Variants in PRDM12 observed in about 807,000 individuals in gnomAD.
PRDM12 encodes the protein PR/SET domain 12, also known as PR domain zinc finger protein 12.
PRDM12 carries 17 observed loss-of-function variants against 29.6 expected under a neutral mutation model. That is an observed-to-expected ratio of 0.57 (90% CI 0.39 to 0.86). The LOEUF is 0.86. Ranked by LOEUF, PRDM12 falls within the 40% of genes least tolerant of loss-of-function variation. The pLI is 0.00. For missense variants in PRDM12, 422 were observed against 510.8 expected, an observed-to-expected ratio of 0.83 and a Z score of 1.68; for synonymous variants, 231 against 225.8, an observed-to-expected ratio of 1.02 and a Z score of -0.21.
chr9:130,666,712 G>A lies in PRDM12; in HGVS notation c.328G>A (p.Ala110Thr). 1 of 1,613,504 alleles carries A rather than the reference G, an allele frequency of 6.2e-7. No homozygotes were observed. Among genetic ancestry groups the A allele is most frequent in the Non-Finnish European group, 8.5e-7 (1 of 1,179,870 alleles). Residue 110 changes from alanine to threonine, a missense_variant, in exon 2 of 5, where the codon GCG becomes ACG. By Grantham distance (58) the Ala-to-Thr change is moderately conservative. Around this residue, in one of 5 missense-constraint regions of PRDM12, gnomAD observed 300 missense variants for 350.0 expected, o/e 0.86. Coordinates refer to ENST00000253008, the MANE Select transcript of PRDM12 (RefSeq NM_021619.3). ...CATCTTCTCCAAGACGTGGATCAAG[G>A]CGGGAACCGAGATGGGCCCCTTCAC... is the stretch of plus-strand genomic sequence containing the variant. ...LGIFSKTWIK[A>T]GTEMGPFTGR...
chr9:130,664,832 A>T lies in PRDM12; in HGVS notation c.179A>T (p.Lys60Met), dbSNP rs201396484. The part of the protein sequence containing the change: ...FEDKSHHASP[K>M]TAFTAEVLAQ... ...GACAAGAGCCACCACGCCAGCCCCA[A>T]GACAGCCTTCACCGCCGAGGTGCTG... Residue 60 changes from lysine (K) to methionine (M), a missense_variant, in exon 1 of 5, where the codon AAG (lysine) becomes ATG (methionine). Around this residue, in one of 5 missense-constraint regions of PRDM12, gnomAD observed 300 missense variants for 350.0 expected, o/e 0.86. Coordinates refer to ENST00000253008, the MANE Select transcript of PRDM12 (RefSeq NM_021619.3). This position sits in a 1 kb window ranked among gnomAD's most constrained non-coding sequence, Gnocchi z 6.4. 4 of 1,555,302 alleles carry T rather than the reference A, an allele frequency of 2.6e-6. No individual in the cohort carries two copies. The East Asian group carries it at 9.6e-5, about 37-fold the overall frequency.
In PRDM12 at chr9:130,664,674, G is replaced by T. The variant is rs1055354189; in HGVS notation, c.21G>T (p.Pro7=). The T allele has an allele frequency of 5.5e-6, 8 of 1,467,804 alleles. No homozygotes were observed. The highest frequency in any genetic ancestry group is 7.3e-6 in the Non-Finnish European group (8 of 1,093,922). The allele number at this position is 1,467,804 out of a possible 1,614,324, so 90.9% of individuals were successfully genotyped here. The change falls in exon 1 of 5, where the codon CCG becomes CCT. Residue 7 remains proline (P), a synonymous_variant. Coordinates refer to ENST00000253008, the MANE Select transcript of PRDM12 (RefSeq NM_021619.3). This position sits in a 1 kb window ranked among gnomAD's most constrained non-coding sequence, Gnocchi z 6.4. MMGSVL[P]AEALVLKTGL... ...CGCCCATGATGGGCTCCGTGCTCCCGGCTGAGGCCCTGGTGCTCAAGACCG... is the reference window on the plus strand; with the variant it reads ...CGCCCATGATGGGCTCCGTGCTCCCTGCTGAGGCCCTGGTGCTCAAGACCG...
In PRDM12 at chr9:130,681,810, G is replaced by C; in HGVS notation, c.*141G>C. On this transcript the variant is annotated 3_prime_UTR_variant, in exon 5 of 5. Coordinates refer to ENST00000253008, the MANE Select transcript of PRDM12 (RefSeq NM_021619.3). The surrounding 1 kb of genome is among the most constrained non-coding windows in gnomAD (Gnocchi z 8.1). ...CGCGCTGGGGTTGCGCCCCGGAGGCGGATCTCAGGCACCCCCGCCTTGGCC... is the reference window on the plus strand; with the variant it reads ...CGCGCTGGGGTTGCGCCCCGGAGGCCGATCTCAGGCACCCCCGCCTTGGCC... The C allele has an allele frequency of 1.3e-6, 1 of 771,490 alleles. No individual in the cohort carries two copies. Among genetic ancestry groups the C allele is most frequent in the Non-Finnish European group, 1.6e-6 (1 of 634,780 alleles). The allele number at this position is 771,490 out of a possible 1,614,324, so 47.8% of individuals were successfully genotyped here. A position where few individuals can be genotyped will look rare whatever the true frequency, so the allele number is the denominator to read the frequency against.
At position 130,664,698 on chromosome 9, in the gene PRDM12, C is replaced by T. The variant is rs370980099; in HGVS notation, c.45C>T (p.Thr15=). Residue 15 remains threonine, a synonymous_variant, in exon 1 of 5, where the codon ACC becomes ACT. Transcript: ENST00000253008. The surrounding 1 kb of genome is among the most constrained non-coding windows in gnomAD (Gnocchi z 6.4). The part of the protein sequence containing the change: ...VLPAEALVLK[T]GLKAPGLALA... ...CGGCTGAGGCCCTGGTGCTCAAGAC[C>T]GGGCTGAAGGCGCCGGGACTGGCGC... 3 of 1,608,656 alleles carry T rather than the reference C, an allele frequency of 1.9e-6. No homozygotes were observed. The highest frequency in any genetic ancestry group is 1.7e-5 in the Admixed American group (1 of 59,896).
intron 3 of PRDM12, among the ~76,000 whole-genome samples, chr9:130,671,770 C>G (rs1022007479): frequency 5.3e-4 from 80 of 152,234 alleles, no homozygotes; most frequent in African/African-American, 1.9e-3. Context: ...TGTTTATTCT[C>G]TGCGTGTGGG....
intron 3 of PRDM12, among the ~76,000 whole-genome samples, chr9:130,672,751 C>A (rs1830801500): frequency 6.6e-6 from 1 of 152,094 alleles, no homozygotes; most frequent in Non-Finnish European, 1.5e-5. Flanking sequence ...TGATGTTTGT[C>A]CAGATGACAT....
intron 3 of PRDM12, among the ~76,000 whole-genome samples, chr9:130,673,097 G>C (rs932886933): frequency 2.0e-5 from 3 of 152,152 alleles, no homozygotes; most frequent in Non-Finnish European, 4.4e-5. Flanking sequence ...GCCTATCCCT[G>C]CTCCCCAGAA....
rs1830761000 is a variant in PRDM12, at chr9:130,668,988, TC to T, written c.570+677del. 6.6e-6 allele frequency among the ~76,000 whole-genome samples: 1 copy of T among 152,136 alleles called. No individual in the cohort carries two copies. Among genetic ancestry groups the T allele is most frequent in the South Asian group, 2.1e-4 (1 of 4,830 alleles). ...GAGTGTTAGCACTAATAGCTGCGCT[TC>T]CTGAGCCTTCTCAGAGGAGACAGAC... On this transcript the variant is annotated intron_variant, in intron 3 of 4. Coordinates refer to ENST00000253008, the MANE Select transcript of PRDM12 (RefSeq NM_021619.3). This position sits in a 1 kb window ranked among gnomAD's most constrained non-coding sequence, Gnocchi z 4.0.
In PRDM12 at chr9:130,681,880, C is replaced by A; in HGVS notation, c.*211C>A. The stretch of plus-strand genomic sequence containing the variant: ...CTGAGGGCGGCGTCCCTCACCCAGG[C>A]CACGCAGCTGGTGCGGCTGTTCGGC... On this transcript the variant is annotated 3_prime_UTR_variant, in exon 5 of 5. Coordinates refer to ENST00000253008, the MANE Select transcript of PRDM12 (RefSeq NM_021619.3). The surrounding 1 kb of genome is among the most constrained non-coding windows in gnomAD (Gnocchi z 8.1). 1 of 316,568 alleles carries A rather than the reference C, an allele frequency of 3.2e-6. No homozygotes were observed. The highest frequency in any genetic ancestry group is 4.6e-6 in the Non-Finnish European group (1 of 218,578). 19.6% of individuals were successfully genotyped at this position (316,568 alleles called of 1,614,324 possible). A position where few individuals can be genotyped will look rare whatever the true frequency, so the allele number is the denominator to read the frequency against.
rs1181007721 is a variant in PRDM12 at position 130,680,634 on chromosome 9, A to AATATATATATATATATATAT, written c.683-607_683-588dup. Among the ~76,000 whole-genome samples the AATATATATATATATATATAT allele has an allele frequency of 3.1e-4, 27 of 88,468 alleles. 1 individual carries two copies. The highest frequency in any genetic ancestry group is 1.1e-4 in the African/African-American group (2 of 17,458). The allele number at this position is 88,468 out of a possible 152,430, so 58.0% of individuals were successfully genotyped here. ...AGGGAGACTCCGTCTAAAAAAAAAAAATATATATATATATATATATATATA... is the reference window on the plus strand; with the variant it reads ...AGGGAGACTCCGTCTAAAAAAAAAAAATATATATATATATATATATATATATATATATATATATATATATA... On this transcript the variant is annotated intron_variant, in intron 4 of 4. Coordinates refer to ENST00000253008, the MANE Select transcript of PRDM12 (RefSeq NM_021619.3).
intron 2 of PRDM12, among the ~76,000 whole-genome samples, chr9:130,667,103 C>T (rs540324736): frequency 1.3e-4 from 20 of 152,358 alleles, no homozygotes. Flanking sequence ...AGGTCGCTTG[C>T]CCAGGGTCCC....
intron 3 of PRDM12, among the ~76,000 whole-genome samples, chr9:130,676,531 G>A (rs72765011): frequency 6.0e-4 from 92 of 152,242 alleles, no homozygotes; most frequent in Non-Finnish European, 1.2e-3. Context: ...AAAAAACCAC[G>A]CAAATCAGAA....
Position 130,682,820 on chromosome 9 carries a change from AACTGC to A in PRDM12, c.*1152_*1156del, listed in dbSNP as rs1830918863. 6.5e-6 allele frequency: 1 copy of A among 152,676 alleles called. No individual in the cohort carries two copies. The highest frequency in any genetic ancestry group is 2.1e-4 in the South Asian group (1 of 4,834). 9.5% of individuals were successfully genotyped at this position (152,676 alleles called of 1,614,324 possible). Reference sequence around the variant, plus strand: ...TATAAAATGTATAGAGTTTTCAAGAAACTGCGTTCTACTTCCAGAAGATGGTCACT... The same window carrying A: ...TATAAAATGTATAGAGTTTTCAAGAAGTTCTACTTCCAGAAGATGGTCACT... On this transcript the variant is annotated 3_prime_UTR_variant, in exon 5 of 5. Coordinates refer to ENST00000253008, the MANE Select transcript of PRDM12 (RefSeq NM_021619.3). This position sits in a 1 kb window ranked among gnomAD's most constrained non-coding sequence, Gnocchi z 4.2.
chr9:130,680,632 A>ATATATATATATATATATATAT (rs1246642229), intron 4 of PRDM12, among the ~76,000 whole-genome samples: 1 of 77,336 alleles, frequency 1.3e-5, no homozygotes, highest in Non-Finnish European at 2.3e-5. Context: ...CTAAAAAAAA[A>ATATATATATATATATATATAT]AAATATATAT....
In PRDM12 at chr9:130,681,653, C is replaced by G. The variant is rs1830905455; in HGVS notation, c.1088C>G (p.Pro363Arg). 2.1e-5 allele frequency: 21 copies of G among 979,128 alleles called. No homozygotes were observed. The highest frequency in any genetic ancestry group is 2.3e-5 in the Non-Finnish European group (19 of 827,060). The allele number at this position is 979,128 out of a possible 1,614,324, so 60.7% of individuals were successfully genotyped here. Residue 363 changes from proline to arginine, a missense_variant, in exon 5 of 5, where the codon CCG becomes CGG. Pro to Arg is a moderately radical substitution (Grantham distance 103). Coordinates refer to ENST00000253008, the MANE Select transcript of PRDM12 (RefSeq NM_021619.3). This position sits in a 1 kb window ranked among gnomAD's most constrained non-coding sequence, Gnocchi z 8.1. ...GCCGCCGCCGCCGCGCACCACCTGC[C>G]GGCCATGGTGCTGTGAGCGCGCCCG... ...AAAAAAAHHL[P>R]AMVL
chr9:130,680,525 C>G (rs1216547163), intron 4 of PRDM12, among the ~76,000 whole-genome samples: 1 of 149,348 alleles, frequency 6.7e-6, no homozygotes, highest in Non-Finnish European at 1.5e-5. Context: ...CCCAGGGAAG[C>G]TGAGGCAGGA....
At chr9:130,676,149 C>T (rs1473826214) in intron 3 of PRDM12, among the ~76,000 whole-genome samples, 5 of 152,122 alleles carry the variant, frequency 3.3e-5, no homozygotes, top group Admixed American at 3.3e-4. Context: ...CCTCTTCCTT[C>T]CACCCCAGTG....
At chr9:130,678,484 C>T (rs770264882) in intron 3 of PRDM12, 45 bp from the exon 4 acceptor site, 13 of 1,451,978 alleles carry the variant, frequency 9.0e-6, no homozygotes, top group East Asian at 2.3e-5. Flanking sequence ...ACTCTCACCT[C>T]CCAGCTGCGG....
rs764381170 is a variant in PRDM12 at position 130,668,565 on chromosome 9, T to C, written c.570+252T>C. Among the ~76,000 whole-genome samples, 3 of 152,142 alleles carry C rather than the reference T, an allele frequency of 2.0e-5. No homozygotes were observed. The highest frequency in any genetic ancestry group is 4.4e-5 in the Non-Finnish European group (3 of 68,034). ...TGATGGAGCTCTCAACTTGACGGCA[T>C]TGGGAATGTCACGAGCATCTCCATA... On this transcript the variant is annotated intron_variant, in intron 3 of 4. Transcript: ENST00000253008. This position sits in a 1 kb window ranked among gnomAD's most constrained non-coding sequence, Gnocchi z 4.0.
Sources: gnomAD v4.1 joint callset for allele counts (sites outside exome capture counted in the v4.1 genomes callset) on GRCh38, gnomAD v4.1.1 for gene constraint, gnomAD v4.1.1 regional missense constraint, Gnocchi (gnomAD v3.1) non-coding constraint, MANE v1.5 for transcripts, NCBI Gene and HGNC (gene_info 2026-07-23, HGNC 2026-07-21) for gene names.